The following PTPN3 variants were observed in gnomAD, a reference collection of about 807,000 sequenced individuals.
PTPN3 encodes tyrosine-protein phosphatase non-receptor type 3.
In PTPN3, 96 loss-of-function variants were observed where a neutral mutation model predicts 132.7. The ratio of observed to expected loss-of-function variants is 0.72; its 90% confidence interval spans 0.61 to 0.86. The LOEUF (loss-of-function observed/expected upper bound fraction) is 0.86. Ranked by LOEUF, PTPN3 falls within the 40% of genes least tolerant of loss-of-function variation. The pLI, the probability that PTPN3 is intolerant of heterozygous loss-of-function variation, is 0.00. For missense variants in PTPN3, 1,125 were observed against 1,159.6 expected, an observed-to-expected ratio of 0.97 and a Z score of 0.43; for synonymous variants, 398 against 429.0, an observed-to-expected ratio of 0.93 and a Z score of 0.89.
Position 109,410,430 on chromosome 9 carries a change from A to C in PTPN3, c.1314-15T>G. On this transcript the variant is annotated splice_polypyrimidine_tract_variant and intron_variant, in intron 14 of 25. Transcript: ENST00000374541. The stretch of plus-strand genomic sequence containing the variant: ...CGGATAAACTCCTTCATCATGGGGA[A>C]GGAGGAGATATTAATAACTGGGTTA... 6.2e-7 allele frequency: 1 copy of C among 1,612,212 alleles called. No homozygotes were observed.
At chr9:109,497,502 C>T (rs1249405304) in intron 1 of PTPN3, among the ~76,000 whole-genome samples, 1 of 152,120 alleles carries the variant, frequency 6.6e-6, no homozygotes, top group Non-Finnish European at 1.5e-5. Context: ...GCTCTTTCCA[C>T]CAGCTTGGAA....
intron 14 of PTPN3, among the ~76,000 whole-genome samples, chr9:109,418,407 G>A (rs184212445): frequency 6.6e-6 from 1 of 152,360 alleles, no homozygotes; most frequent in Admixed American, 6.5e-5. Flanking sequence ...GTGCTGGGCT[G>A]TGAGGGCACT....
At chr9:109,508,856 C>A in the PTPN3 span, among the ~76,000 whole-genome samples, 1 of 151,700 alleles carries the variant, frequency 6.6e-6, no homozygotes, top group East Asian at 1.9e-4. Context: ...CAGGATGTCC[C>A]CCCCCCACCC....
At chr9:109,509,496 C>G in the PTPN3 span, among the ~76,000 whole-genome samples, 1 of 152,184 alleles carries the variant, frequency 6.6e-6, no homozygotes, top group African/African-American at 2.4e-5. Context: ...GTCTGCTACT[C>G]CAACTGTTAA....
chr9:109,530,408 T>C, the PTPN3 span, among the ~76,000 whole-genome samples: 2 of 152,228 alleles, frequency 1.3e-5, no homozygotes, highest in Non-Finnish European at 2.9e-5. Flanking sequence ...TTTCCTTCCT[T>C]TTTAAGGCTG....
At chr9:109,432,432 G>A (rs978686157) in intron 10 of PTPN3, among the ~76,000 whole-genome samples, 4 of 152,112 alleles carry the variant, frequency 2.6e-5, no homozygotes, top group African/African-American at 9.7e-5. Context: ...TCCTGGCAAT[G>A]CGTGCTACCC....
At chr9:109,494,010 C>T (rs1247523661) in intron 1 of PTPN3, among the ~76,000 whole-genome samples, 1 of 152,204 alleles carries the variant, frequency 6.6e-6, no homozygotes, top group Non-Finnish European at 1.5e-5. Flanking sequence ...CAGAGGCATC[C>T]CTGCAGAAGT....
intron 19 of PTPN3, 69 bp downstream of exon 19, chr9:109,404,379 C>T (rs1841385379): frequency 8.7e-7 from 1 of 1,149,898 alleles, no homozygotes; most frequent in South Asian, 3.1e-5. Flanking sequence ...TCATTTCCTC[C>T]ACTGCTCAGA....
intron 6 of PTPN3, among the ~76,000 whole-genome samples, chr9:109,445,590 ATCTC>A (rs1844797480): frequency 6.6e-6 from 1 of 151,790 alleles, no homozygotes; most frequent in Admixed American, 6.6e-5. Flanking sequence ...TCAGGCTCTT[ATCTC>A]TAAGAGGGGA....
chr9:109,408,324 T>G lies in PTPN3; in HGVS notation c.1632A>C (p.Ser544=). The change falls in exon 17 of 26, where the codon TCA becomes TCC. Residue 544 remains serine (S), a synonymous_variant. Coordinates refer to ENST00000374541, the MANE Select transcript of PTPN3 (RefSeq NM_002829.4). ...AACATGGAATGTATTTACTTACAGG[T>G]GACTCTGGGTTTATCCTTGATACCA... ...PLVVSRINPE[S]PADTCIPKLN... is the part of the protein sequence containing the mutation. 1.3e-6 allele frequency: 2 copies of G among 1,566,098 alleles called. No individual in the cohort carries two copies. Among genetic ancestry groups the G allele is most frequent in the Non-Finnish European group, 1.7e-6 (2 of 1,148,992 alleles).
At chr9:109,413,683 G>A (rs1174441117) in intron 14 of PTPN3, among the ~76,000 whole-genome samples, 1 of 152,142 alleles carries the variant, frequency 6.6e-6, no homozygotes, top group Non-Finnish European at 1.5e-5. Flanking sequence ...GGCAGGACGG[G>A]GAAGACACCA....
At chr9:109,505,588 C>CT in the PTPN3 span, among the ~76,000 whole-genome samples, 1 of 151,868 alleles carries the variant, frequency 6.6e-6, no homozygotes, top group Non-Finnish European at 1.5e-5. Context: ...CTATAAGAAT[C>CT]TTTTGTACAC....
At chr9:109,405,111 C>G (rs572684871) in intron 18 of PTPN3, among the ~76,000 whole-genome samples, 1 of 152,162 alleles carries the variant, frequency 6.6e-6, no homozygotes, top group Non-Finnish European at 1.5e-5. Flanking sequence ...GAGGCTCCCA[C>G]GTAAATATCG....
intron 5 of PTPN3, chr9:109,450,479 G>A: frequency 1.0e-6 from 1 of 983,940 alleles, no homozygotes; most frequent in Non-Finnish European, 1.2e-6. Context: ...TAAATGAGAA[G>A]ATAAACGTGG....
At chr9:109,513,339 C>T in the PTPN3 span, among the ~76,000 whole-genome samples, 5 of 152,220 alleles carry the variant, frequency 3.3e-5, no homozygotes, top group East Asian at 9.7e-4. Context: ...CTTTCTTGTC[C>T]ATCCCATCCA....
chr9:109,408,537 T>C (rs571256279), intron 16 of PTPN3, among the ~76,000 whole-genome samples, 160 bp from the exon 17 acceptor site: 329 of 152,170 alleles, frequency 2.2e-3, no homozygotes, highest in Non-Finnish European at 3.9e-3. Context: ...CTGATTCGAA[T>C]CACACGTCAT....
chr9:109,530,101 A>G, the PTPN3 span, among the ~76,000 whole-genome samples: 1 of 152,190 alleles, frequency 6.6e-6, no homozygotes, highest in Admixed American at 6.5e-5. Flanking sequence ...CATTACTAGT[A>G]TAACTATTTG....
the PTPN3 span, among the ~76,000 whole-genome samples, chr9:109,531,535 A>G: frequency 6.6e-6 from 1 of 152,186 alleles, no homozygotes; most frequent in Non-Finnish European, 1.5e-5. Flanking sequence ...GTCTTGGGCA[A>G]GTTCTGTAAC....
At chr9:109,472,589 A>G (rs540256087) in intron 1 of PTPN3, among the ~76,000 whole-genome samples, 1 of 152,348 alleles carries the variant, frequency 6.6e-6, no homozygotes, top group African/African-American at 2.4e-5. Flanking sequence ...TAGTTTTAAA[A>G]TAAGTACAGT....
Sources: allele counts gnomAD v4.1 joint callset (sites outside exome capture counted in the v4.1 genomes callset), GRCh38; gene constraint gnomAD v4.1.1; transcripts MANE v1.5; gene names NCBI Gene and HGNC (gene_info 2026-07-23, HGNC 2026-07-21).